The following PEX26 variants were observed in gnomAD, a reference collection of about 807,000 sequenced individuals.
The protein encoded by PEX26 is peroxisome assembly protein 26.
A neutral mutation model predicts 31.4 loss-of-function variants in PEX26; 18 were observed. That is an observed-to-expected ratio of 0.57 (90% CI 0.40 to 0.85). The LOEUF is 0.85. Among genes scored for constraint, PEX26 ranks in the 40% least tolerant of loss-of-function variants. The probability of loss-of-function intolerance (pLI) is 0.00; values close to 1 mark genes in which losing one functional copy is unlikely to be tolerated. For missense variants in PEX26, 377 were observed against 383.9 expected, an observed-to-expected ratio of 0.98 and a Z score of 0.15; for synonymous variants, 176 against 166.9, an observed-to-expected ratio of 1.05 and a Z score of -0.42.
rs267608190 is a variant in PEX26 at position 18,078,607 on chromosome 22, G to C, written c.230+1G>C. The C allele has an allele frequency of 6.3e-7, 1 of 1,597,762 alleles. No individual in the cohort carries two copies. Among genetic ancestry groups the C allele is most frequent in the Non-Finnish European group, 8.5e-7 (1 of 1,175,040 alleles). The stretch of plus-strand genomic sequence containing the variant: ...CCGTGGCAGAGGAACCCGCGGGCAC[G>C]TACGTGCTGGGCTCGGAAATGAACC... On this transcript the variant is annotated splice_donor_variant, in intron 1 of 4. Coordinates refer to ENST00000399744, the MANE Select transcript of PEX26 (RefSeq NM_001127649.3). LOFTEE classifies it high-confidence loss of function.
In PEX26 at chr22:18,078,229, C is replaced by T. The variant is rs1417167339; in HGVS notation, c.-148C>T. 4 of 725,096 alleles carry T rather than the reference C, an allele frequency of 5.5e-6. No individual in the cohort carries two copies. The highest frequency in any genetic ancestry group is 9.8e-6 in the Non-Finnish European group (4 of 406,178). 44.9% of individuals were successfully genotyped at this position (725,096 alleles called of 1,614,324 possible). ...GCCTCAGATAGGCCCCTTCCTTTTC[C>T]TTCTCGGGGAATCGACCTCGGGAAG... is the stretch of plus-strand genomic sequence containing the variant. On this transcript the variant is annotated 5_prime_UTR_variant, in exon 1 of 5. Transcript: ENST00000399744.
In PEX26 at chr22:18,102,777, A is replaced by G. The variant is rs1927489548; in HGVS notation, c.*14702A>G. 1 of 152,152 alleles carries G rather than the reference A, an allele frequency of 6.6e-6. No homozygotes were observed. Among genetic ancestry groups the G allele is most frequent in the Non-Finnish European group, 1.5e-5 (1 of 68,028 alleles). 9.4% of individuals were successfully genotyped at this position (152,152 alleles called of 1,614,324 possible). ...CCTTCAGGATACTTTTCTGTCAAGT[A>G]AATACATTTATTAAAAATAGGCATG... is the stretch of plus-strand genomic sequence containing the variant. On this transcript the variant is annotated 3_prime_UTR_variant, in exon 5 of 5. Transcript: ENST00000399744.
Position 18,091,125 on chromosome 22 carries a change from C to T in PEX26, c.*3050C>T, listed in dbSNP as rs894146097. 1.3e-5 allele frequency: 2 copies of T among 152,246 alleles called. No individual in the cohort carries two copies. Among genetic ancestry groups the T allele is most frequent in the African/African-American group, 4.8e-5 (2 of 41,452 alleles). 9.4% of individuals were successfully genotyped at this position (152,246 alleles called of 1,614,324 possible). ...CTTGAGCAAGTCTTCCCCTCAGCCTCTGGAGTAGCTGGGCCTACAGTGTGT... is the reference window on the plus strand; with the variant it reads ...CTTGAGCAAGTCTTCCCCTCAGCCTTTGGAGTAGCTGGGCCTACAGTGTGT... On this transcript the variant is annotated 3_prime_UTR_variant, in exon 5 of 5. Transcript: ENST00000399744.
At position 18,094,080 on chromosome 22, in the gene PEX26, A is replaced by G. The variant is rs575369993; in HGVS notation, c.*6005A>G. 3 of 152,336 alleles carry G rather than the reference A, an allele frequency of 2.0e-5. No homozygotes were observed. The East Asian group carries it at 5.8e-4, about 29-fold the overall frequency. 9.4% of individuals were successfully genotyped at this position (152,336 alleles called of 1,614,324 possible). On this transcript the variant is annotated 3_prime_UTR_variant, in exon 5 of 5. Coordinates refer to ENST00000399744, the MANE Select transcript of PEX26 (RefSeq NM_001127649.3). ...CATGTTTCCCAGCTCGTATTTTCCA[A>G]CAGCCCCTTTAAAACTTTTAGCATC...
rs1927402712 is a variant in PEX26 at position 18,099,915 on chromosome 22, A to G, written c.*11840A>G. ...CCTAATCCAGGATGATCTCATCTTG[A>G]GGTCCTCAATTACATCAAGATCCTT... On this transcript the variant is annotated 3_prime_UTR_variant, in exon 5 of 5. Coordinates refer to ENST00000399744, the MANE Select transcript of PEX26 (RefSeq NM_001127649.3). 6.6e-6 allele frequency: 1 copy of G among 152,180 alleles called. No individual in the cohort carries two copies. Among genetic ancestry groups the G allele is most frequent in the African/African-American group, 2.4e-5 (1 of 41,444 alleles). 9.4% of individuals were successfully genotyped at this position (152,180 alleles called of 1,614,324 possible). A position where few individuals can be genotyped will look rare whatever the true frequency, so the allele number is the denominator to read the frequency against.
chr22:18,088,667 T>A lies in PEX26; in HGVS notation c.*592T>A. 5.8e-6 allele frequency: 1 copy of A among 172,164 alleles called. No homozygotes were observed. The highest frequency in any genetic ancestry group is 1.3e-5 in the Non-Finnish European group (1 of 79,078). The allele number at this position is 172,164 out of a possible 1,614,324, so 10.7% of individuals were successfully genotyped here. On this transcript the variant is annotated 3_prime_UTR_variant, in exon 5 of 5. Coordinates refer to ENST00000399744, the MANE Select transcript of PEX26 (RefSeq NM_001127649.3). This position sits in a 1 kb window ranked among gnomAD's most constrained non-coding sequence, Gnocchi z 4.1. ...GGTGCACGCCTATAGTCCTAGCTAC[T>A]TGGGAGGCTGAGGCAGGAGAATCAC...
chr22:18,100,352 G>C lies in PEX26; in HGVS notation c.*12277G>C, dbSNP rs1380849526. On this transcript the variant is annotated 3_prime_UTR_variant, in exon 5 of 5. Coordinates refer to ENST00000399744, the MANE Select transcript of PEX26 (RefSeq NM_001127649.3). ...AGCCTCCCAAAGTGCTGGGATTAGA[G>C]GCGTGAGCCACCATGCCTGGCCAGC... The C allele has an allele frequency of 6.6e-6, 1 of 151,960 alleles. No homozygotes were observed. Among genetic ancestry groups the C allele is most frequent in the Non-Finnish European group, 1.5e-5 (1 of 67,998 alleles). The allele number at this position is 151,960 out of a possible 1,614,324, so 9.4% of individuals were successfully genotyped here.
rs746589204 is a variant in PEX26 at position 18,087,945 on chromosome 22, T to C, written c.815-27T>C. On this transcript the variant is annotated intron_variant, in intron 4 of 4. Transcript: ENST00000399744. Reference sequence around the variant, plus strand: ...GTGACAGGTGAGAGGGGTGGGACGTTCACTGTAGTCTCCCTCTGCCCTGCA... The same window carrying C: ...GTGACAGGTGAGAGGGGTGGGACGTCCACTGTAGTCTCCCTCTGCCCTGCA... The C allele has an allele frequency of 1.3e-5, 19 of 1,442,640 alleles. No individual in the cohort carries two copies. In the African/African-American group the frequency reaches 2.7e-4, roughly 20 times the overall value. 89.4% of individuals were successfully genotyped at this position (1,442,640 alleles called of 1,614,324 possible). A position where few individuals can be genotyped will look rare whatever the true frequency, so the allele number is the denominator to read the frequency against.
intron 2 of PEX26, 137 bp downstream of exon 2, chr22:18,080,151 C>A: frequency 1.1e-6 from 1 of 900,088 alleles, no homozygotes. Context: ...TTTTTTTCCC[C>A]AGACTTCCAT....
At chr22:18,081,243 TATACACACACAC>T (rs1926580503) in intron 2 of PEX26, among the ~76,000 whole-genome samples, 1 of 62,374 alleles carries the variant, frequency 1.6e-5, no homozygotes, top group African/African-American at 4.6e-5. Context: ...TATGTACACA[TATACACACACAC>T]ACACACACAC....
Position 18,088,366 on chromosome 22 carries a change from T to C in PEX26, c.*291T>C. ...GGTTTGGGGACAGGGACTGTGTCCA[T>C]GAAACATTCCATCTTCTTGGTGAAG... On this transcript the variant is annotated 3_prime_UTR_variant, in exon 5 of 5. Transcript: ENST00000399744. The surrounding 1 kb of genome is among the most constrained non-coding windows in gnomAD (Gnocchi z 4.1). 2 of 523,236 alleles carry C rather than the reference T, an allele frequency of 3.8e-6. No individual in the cohort carries two copies. Among genetic ancestry groups the C allele is most frequent in the South Asian group, 3.9e-5 (2 of 51,250 alleles). 32.4% of individuals were successfully genotyped at this position (523,236 alleles called of 1,614,324 possible).
chr22:18,088,983 A>G lies in PEX26; in HGVS notation c.*908A>G, dbSNP rs1926964158. ...CTACTGAAAACCAAGTGAGCCTTAC[A>G]GCTCTTATCGCTGGGTAAAGTGATC... is the stretch of plus-strand genomic sequence containing the variant. On this transcript the variant is annotated 3_prime_UTR_variant, in exon 5 of 5. Transcript: ENST00000399744. This position sits in a 1 kb window ranked among gnomAD's most constrained non-coding sequence, Gnocchi z 4.1. 1 of 152,368 alleles carries G rather than the reference A, an allele frequency of 6.6e-6. No homozygotes were observed. Among genetic ancestry groups the G allele is most frequent in the African/African-American group, 2.4e-5 (1 of 41,456 alleles). The allele number at this position is 152,368 out of a possible 1,614,324, so 9.4% of individuals were successfully genotyped here.
rs1049579956 is a variant in PEX26 at position 18,094,792 on chromosome 22, T to G, written c.*6717T>G. ...TCTTTTCTTTTCTTTTCTTCTTTTT[T>G]TTTTTGAGATGGAATCTTGCTCTTG... On this transcript the variant is annotated 3_prime_UTR_variant, in exon 5 of 5. Transcript: ENST00000399744. 5 of 151,910 alleles carry G rather than the reference T, an allele frequency of 3.3e-5. No individual in the cohort carries two copies. The highest frequency in any genetic ancestry group is 1.2e-4 in the African/African-American group (5 of 41,334). The allele number at this position is 151,910 out of a possible 1,614,324, so 9.4% of individuals were successfully genotyped here.
At chr22:18,087,867 A>G in intron 4 of PEX26, 105 bp from the exon 5 acceptor site, 4 of 820,938 alleles carry the variant, frequency 4.9e-6, no homozygotes, top group Admixed American at 1.7e-5. Context: ...AAACAAAACA[A>G]AACCAACTAT....
At chr22:18,083,383 A>C in intron 2 of PEX26, 54 bp from the exon 3 acceptor site, 2 of 1,566,840 alleles carry the variant, frequency 1.3e-6, no homozygotes, top group South Asian at 1.1e-5. Context: ...AAATGAACCA[A>C]TCATTGAGCA....
rs1331191460 is a variant in PEX26 at position 18,099,476 on chromosome 22, A to ATC, written c.*11403_*11404dup. On this transcript the variant is annotated 3_prime_UTR_variant, in exon 5 of 5. Transcript: ENST00000399744. ...ACACCCCATGAAAATAAAAGTCTAT[A>ATC]TCTTCCCTTCAATATACATTCATAT... 2 of 152,130 alleles carry ATC rather than the reference A, an allele frequency of 1.3e-5. No individual in the cohort carries two copies. The highest frequency in any genetic ancestry group is 2.9e-5 in the Non-Finnish European group (2 of 68,024). The allele number at this position is 152,130 out of a possible 1,614,324, so 9.4% of individuals were successfully genotyped here.
At chr22:18,081,573 G>T in intron 2 of PEX26, 1 of 163,060 alleles carries the variant, frequency 6.1e-6, no homozygotes, top group South Asian at 1.2e-4. Context: ...CTTGACTGTC[G>T]GCCGGTGGCA....
intron 4 of PEX26, among the ~76,000 whole-genome samples, chr22:18,086,552 G>A (rs1926850431): frequency 6.6e-6 from 1 of 152,196 alleles, no homozygotes; most frequent in Non-Finnish European, 1.5e-5. Context: ...TGTGAAGAAG[G>A]AATGAGCTCC....
chr22:18,089,768 C>G lies in PEX26; in HGVS notation c.*1693C>G, dbSNP rs1321617138. 2 of 152,218 alleles carry G rather than the reference C, an allele frequency of 1.3e-5. No individual in the cohort carries two copies. The highest frequency in any genetic ancestry group is 4.8e-5 in the African/African-American group (2 of 41,398). 9.4% of individuals were successfully genotyped at this position (152,218 alleles called of 1,614,324 possible). On this transcript the variant is annotated 3_prime_UTR_variant, in exon 5 of 5. Coordinates refer to ENST00000399744, the MANE Select transcript of PEX26 (RefSeq NM_001127649.3). Reference sequence around the variant, plus strand: ...CCAGGCTGGAGTGCAGTGGCGTGATCTCAGCTCACTGCAAGCTCCGCCTCC... The same window carrying G: ...CCAGGCTGGAGTGCAGTGGCGTGATGTCAGCTCACTGCAAGCTCCGCCTCC...
Sources: gnomAD v4.1 joint callset for allele counts (sites outside exome capture counted in the v4.1 genomes callset) on GRCh38, gnomAD v4.1.1 for gene constraint, Gnocchi (gnomAD v3.1) non-coding constraint, MANE v1.5 for transcripts, NCBI Gene and HGNC (gene_info 2026-07-23, HGNC 2026-07-21) for gene names.